The following GRID1 variants were observed in gnomAD, a reference collection of about 807,000 sequenced individuals.
GRID1 encodes glutamate ionotropic receptor delta type subunit 1.
A neutral mutation model predicts 98.0 loss-of-function variants in GRID1; 28 were observed. The ratio of observed to expected loss-of-function variants is 0.29; its 90% CI spans 0.21 to 0.39. The LOEUF (loss-of-function observed/expected upper bound fraction) is 0.39. Among genes scored for constraint, GRID1 ranks in the 10% least tolerant of loss-of-function variants. The pLI is 1.00. For missense variants in GRID1, 1,111 were observed against 1,340.5 expected, an observed-to-expected ratio of 0.83 and a Z score of 2.67; for synonymous variants, 553 against 538.5, an observed-to-expected ratio of 1.03 and a Z score of -0.37.
intron 8 of GRID1, among the ~76,000 whole-genome samples, chr10:85,826,464 C>T (rs1435536230): frequency 6.6e-6 from 1 of 152,064 alleles, no homozygotes; most frequent in Non-Finnish European, 1.5e-5. Flanking sequence ...AGGGAAAATC[C>T]CTGTGAACAT....
intron 8 of GRID1, among the ~76,000 whole-genome samples, chr10:85,829,826 C>T (rs1212122602): frequency 6.6e-6 from 1 of 152,082 alleles, no homozygotes; most frequent in Non-Finnish European, 1.5e-5. Context: ...GAAAAATATC[C>T]TATGCTCATA....
chr10:85,899,850 A>C (rs894424042), intron 5 of GRID1, among the ~76,000 whole-genome samples: 6 of 152,224 alleles, frequency 3.9e-5, no homozygotes, highest in Non-Finnish European at 7.3e-5. Context: ...TCATTGCCTC[A>C]GTAGCTGACA....
intron 2 of GRID1, among the ~76,000 whole-genome samples, chr10:86,270,432 G>A (rs1470135013): frequency 6.6e-6 from 1 of 151,956 alleles, no homozygotes; most frequent in Non-Finnish European, 1.5e-5. Context: ...GCTCATGCCT[G>A]TAATCCCAGC....
At chr10:85,759,614 A>AT (rs112447125) in intron 8 of GRID1, among the ~76,000 whole-genome samples, 2 of 152,198 alleles carry the variant, frequency 1.3e-5, no homozygotes, top group African/African-American at 4.8e-5. Context: ...GGAAAATAAT[A>AT]TTTTTTTATA....
In GRID1 at chr10:85,613,551, G is replaced by T. The variant is rs1427613715; in HGVS notation, c.2457C>A (p.Ala819=). ...GCTTGAGGGATTTGCCGTCGGCCTG[G>T]GCGCTGGCATGGCTGGTGAGGTCAC... The part of the protein sequence containing the change: ...GRCDLTSHAS[A]QADGKSLKLH... The change falls in exon 15 of 16, where the codon GCC becomes GCA. Residue 819 remains alanine, a synonymous_variant. Coordinates refer to ENST00000327946, the MANE Select transcript of GRID1 (RefSeq NM_017551.3). 2 of 1,614,188 alleles carry T rather than the reference G, an allele frequency of 1.2e-6. No individual in the cohort carries two copies. The highest frequency in any genetic ancestry group is 1.7e-6 in the Non-Finnish European group (2 of 1,180,042).
chr10:85,620,293 G>C (rs889028233), intron 13 of GRID1, among the ~76,000 whole-genome samples: 1 of 152,232 alleles, frequency 6.6e-6, no homozygotes, highest in Non-Finnish European at 1.5e-5. Flanking sequence ...AGAGGAGCTA[G>C]AGGTGGGCTC....
At chr10:85,827,109 A>T (rs527886773) in intron 8 of GRID1, among the ~76,000 whole-genome samples, 1 of 152,216 alleles carries the variant, frequency 6.6e-6, no homozygotes, top group Non-Finnish European at 1.5e-5. Flanking sequence ...TTCGCCAGCA[A>T]TGGTTCTTAA....
At position 85,603,241 on chromosome 10, in the gene GRID1, C is replaced by G. The variant is rs1472582797; in HGVS notation, c.2602-540G>C. Among the ~76,000 whole-genome samples, 11 of 152,194 alleles carry G rather than the reference C, an allele frequency of 7.2e-5. No individual in the cohort carries two copies. The South Asian group carries it at 8.3e-4, about 11-fold the overall frequency. On this transcript the variant is annotated intron_variant, in intron 15 of 15. Transcript: ENST00000327946. ...TTAGAGGCAGCTTGGAGGCCTGGAGCCAGAGAGAAGCCCTGCCTCACCCAG... is the reference window on the plus strand; with the variant it reads ...TTAGAGGCAGCTTGGAGGCCTGGAGGCAGAGAGAAGCCCTGCCTCACCCAG...
At chr10:85,982,252 G>T (rs1842553648) in intron 4 of GRID1, among the ~76,000 whole-genome samples, 1 of 151,594 alleles carries the variant, frequency 6.6e-6, no homozygotes, top group Non-Finnish European at 1.5e-5. Flanking sequence ...AATTTACTTG[G>T]CTATACAGTA....
At chr10:86,297,221 CTA>C (rs1239151173) in intron 2 of GRID1, among the ~76,000 whole-genome samples, 9 of 151,738 alleles carry the variant, frequency 5.9e-5, no homozygotes, top group African/African-American at 1.5e-4. Context: ...TGAGAGGAAA[CTA>C]GATATAAAAA....
At chr10:86,178,314 C>T (rs1242667565) in intron 3 of GRID1, among the ~76,000 whole-genome samples, 2 of 152,096 alleles carry the variant, frequency 1.3e-5, no homozygotes, top group East Asian at 3.9e-4. Flanking sequence ...GGACACAGCC[C>T]CAAACCTTCC....
At chr10:85,653,996 C>A (rs569720252) in intron 12 of GRID1, among the ~76,000 whole-genome samples, 8 of 152,212 alleles carry the variant, frequency 5.3e-5, no homozygotes, top group Non-Finnish European at 1.2e-4. Flanking sequence ...TCCTTTGTAT[C>A]CAAAGCCTAG....
intron 8 of GRID1, among the ~76,000 whole-genome samples, chr10:85,756,786 G>A (rs1037927623): frequency 2.0e-5 from 3 of 152,124 alleles, no homozygotes; most frequent in Non-Finnish European, 2.9e-5. Context: ...CAGGCATTTG[G>A]CCCTCTGTCC....
chr10:85,791,176 C>T (rs1166313682), intron 8 of GRID1, among the ~76,000 whole-genome samples: 1 of 152,186 alleles, frequency 6.6e-6, no homozygotes, highest in East Asian at 1.9e-4. Context: ...AGGGAGCCCA[C>T]AGACGACGTG....
At chr10:85,906,168 G>A (rs1448788209) in intron 5 of GRID1, among the ~76,000 whole-genome samples, 1 of 152,082 alleles carries the variant, frequency 6.6e-6, no homozygotes, top group Admixed American at 6.5e-5. Flanking sequence ...CCTAATTTAA[G>A]TCCTAATGAT....
intron 3 of GRID1, among the ~76,000 whole-genome samples, chr10:86,163,499 G>A (rs1845353464): frequency 6.6e-6 from 1 of 151,888 alleles, no homozygotes; most frequent in Non-Finnish European, 1.5e-5. Flanking sequence ...TGCCATGTTG[G>A]GATGCTGCAC....
At chr10:85,727,732 G>T in intron 10 of GRID1, 123 bp downstream of exon 10, 1 of 684,950 alleles carries the variant, frequency 1.5e-6, no homozygotes, top group African/African-American at 1.8e-5. Context: ...TGTGTGGGGA[G>T]AATGGTAACT....
Position 85,837,184 on chromosome 10 carries a change from A to G in GRID1, c.1233+17312T>C, listed in dbSNP as rs1380867545. On this transcript the variant is annotated intron_variant, in intron 8 of 15. Transcript: ENST00000327946. ...TGTCCCATACTTGTGCTAATGCTGC[A>G]CAGAGAACAAAGGATCCTCCCACAA... Among the ~76,000 whole-genome samples the G allele has an allele frequency of 1.3e-4, 19 of 151,866 alleles. No homozygotes were observed. In the East Asian group the frequency reaches 2.9e-3, roughly 23 times the overall value.
intron 2 of GRID1, among the ~76,000 whole-genome samples, chr10:86,332,707 C>A (rs1003361645): frequency 5.9e-5 from 9 of 152,272 alleles, no homozygotes; most frequent in African/African-American, 2.2e-4. Context: ...CCTCCTGAGG[C>A]TTCACCCAGG....
Sources: allele counts gnomAD v4.1 joint callset (sites outside exome capture counted in the v4.1 genomes callset), GRCh38; gene constraint gnomAD v4.1.1; transcripts MANE v1.5; gene names NCBI Gene and HGNC (gene_info 2026-07-23, HGNC 2026-07-21).